LAMA2: variants seen among roughly 807,000 people sequenced by gnomAD.
LAMA2 encodes the protein laminin subunit alpha-2.
In LAMA2, 269 loss-of-function variants were observed where a neutral mutation model predicts 364.8. The observed-to-expected ratio is 0.74, with a 90% confidence interval of 0.67 to 0.82. LAMA2 has a LOEUF of 0.82. Among genes scored for constraint, LAMA2 ranks in the 40% least tolerant of loss-of-function variants. LAMA2 has a pLI of 0.00. For missense variants in LAMA2, 3,807 were observed against 3,873.2 expected, an observed-to-expected ratio of 0.98 and a Z score of 0.45; for synonymous variants, 1,379 against 1,370.6, an observed-to-expected ratio of 1.01 and a Z score of -0.14.
chr6:129,098,213 C>G lies in LAMA2; in HGVS notation c.437C>G (p.Ser146Cys), dbSNP rs143680577. 1.4e-4 allele frequency: 225 copies of G among 1,613,730 alleles called. No homozygotes were observed. The highest frequency in any genetic ancestry group is 8.2e-4 in the Middle Eastern group (5 of 6,062). ...TATGTGATTGTGAAGGCAGCTAACT[C>G]CCCCCGGCCTGGAAACTGGATTTTG... Reference protein sequence around the residue: ...IAYVIVKAANSPRPGNWILER... With the variant: ...IAYVIVKAANCPRPGNWILER... Residue 146 changes from serine to cysteine, a missense_variant, in exon 4 of 65, where the codon TCC becomes TGC. Physicochemically the swap from Ser to Cys is moderately radical, Grantham distance 112. Coordinates refer to ENST00000421865, the MANE Select transcript of LAMA2 (RefSeq NM_000426.4).
chr6:129,511,589 T>TAATA (rs1786579941), intron 62 of LAMA2, among the ~76,000 whole-genome samples: 1 of 152,168 alleles, frequency 6.6e-6, no homozygotes, highest in African/African-American at 2.4e-5. Flanking sequence ...ATTTCTTGCC[T>TAATA]AATAAATAGA....
chr6:129,162,678 C>CTA (rs1030592579), intron 8 of LAMA2, among the ~76,000 whole-genome samples: 132 of 151,436 alleles, frequency 8.7e-4, no homozygotes, highest in African/African-American at 2.7e-3. Context: ...TTTCTTTGTT[C>CTA]TATATATATA....
chr6:128,989,478 A>T (rs1421275909), intron 1 of LAMA2, among the ~76,000 whole-genome samples: 1 of 152,192 alleles, frequency 6.6e-6, no homozygotes, highest in Non-Finnish European at 1.5e-5. Flanking sequence ...TACATTTTCT[A>T]GCTGGGGGAC....
At chr6:129,257,993 T>C (rs1301455686) in intron 14 of LAMA2, among the ~76,000 whole-genome samples, 1 of 152,096 alleles carries the variant, frequency 6.6e-6, no homozygotes, top group African/African-American at 2.4e-5. Flanking sequence ...CAGTTACTTT[T>C]GTATACATTT....
chr6:129,129,919 G>A (rs1439449353), intron 4 of LAMA2, among the ~76,000 whole-genome samples: 4 of 111,308 alleles, frequency 3.6e-5, no homozygotes, highest in African/African-American at 7.9e-5. Flanking sequence ...GCGAGATTCC[G>A]TCTCAAAAAA....
rs528556005 is a variant in LAMA2 at position 129,296,135 on chromosome 6, GTCA to G, written c.2857-1545_2857-1543del. Among the ~76,000 whole-genome samples, 557 of 151,988 alleles carry G rather than the reference GTCA, an allele frequency of 3.7e-3. 5 individuals carry two copies. Among genetic ancestry groups the G allele is most frequent in the Non-Finnish European group, 5.5e-3 (372 of 67,848 alleles). ...TTGCATATTATTTCATAATGTGGAT[GTCA>G]TCATTTAATTTATTCAACAATTTTT... On this transcript the variant is annotated intron_variant, in intron 20 of 64. Coordinates refer to ENST00000421865, the MANE Select transcript of LAMA2 (RefSeq NM_000426.4).
At chr6:129,081,226 C>A (rs552303231) in intron 3 of LAMA2, among the ~76,000 whole-genome samples, 1 of 150,714 alleles carries the variant, frequency 6.6e-6, no homozygotes, top group East Asian at 2.0e-4. Context: ...GGTAACATCA[C>A]ACACCGGGGC....
intron 17 of LAMA2, among the ~76,000 whole-genome samples, chr6:129,276,875 G>A (rs962784522): frequency 6.6e-6 from 1 of 151,616 alleles, no homozygotes; most frequent in Non-Finnish European, 1.5e-5. Flanking sequence ...AAGGTTAATT[G>A]TTTCTCTATG....
chr6:128,954,001 A>G (rs948958278), intron 1 of LAMA2, among the ~76,000 whole-genome samples: 4 of 152,140 alleles, frequency 2.6e-5, no homozygotes, highest in East Asian at 3.8e-4. Context: ...GATTTTTGTT[A>G]TGCTAAATTT....
At chr6:129,037,021 A>T (rs1015805236) in intron 1 of LAMA2, among the ~76,000 whole-genome samples, 7 of 152,222 alleles carry the variant, frequency 4.6e-5, no homozygotes, top group Admixed American at 3.3e-4. Context: ...ATATGCTCTG[A>T]CACACCCACA....
chr6:129,477,218 TA>T (rs2114830964), intron 53 of LAMA2, among the ~76,000 whole-genome samples: 1 of 152,290 alleles, frequency 6.6e-6, no homozygotes, highest in South Asian at 2.1e-4. Flanking sequence ...TAAATAACAA[TA>T]AATATTCAGT....
At chr6:129,395,279 T>C (rs1779549209) in intron 37 of LAMA2, among the ~76,000 whole-genome samples, 1 of 152,232 alleles carries the variant, frequency 6.6e-6, no homozygotes, top group African/African-American at 2.4e-5. Context: ...GTGTCCACAA[T>C]GAAGGTAACA....
chr6:129,481,278 A>AGCTT lies in LAMA2; in HGVS notation c.7589_7592dup (p.Phe2531LeufsTer4). ...TTACTCACAGAATGTTTACACAGTTAGCTTTCCTAAGCCTGGTTTTGTGGA... is the reference window on the plus strand; with the variant it reads ...TTACTCACAGAATGTTTACACAGTTAGCTTGCTTTCCTAAGCCTGGTTTTGTGGA... On this transcript the variant is annotated frameshift_variant, in exon 55 of 65. Transcript: ENST00000421865. LOFTEE classifies it high-confidence loss of function. 6.2e-7 allele frequency: 1 copy of AGCTT among 1,613,694 alleles called. No individual in the cohort carries two copies. The highest frequency in any genetic ancestry group is 8.5e-7 in the Non-Finnish European group (1 of 1,179,692).
In LAMA2 at chr6:129,107,334, T is replaced by C. The variant is rs550686701; in HGVS notation, c.639+8919T>C. 3.3e-5 allele frequency among the ~76,000 whole-genome samples: 5 copies of C among 152,172 alleles called. No individual in the cohort carries two copies. In the South Asian group the frequency reaches 1.0e-3, roughly 32 times the overall value. ...ATTTCCAGCCTTTTTATTCTCAAGGTTCAGTAGCTAACATTGGCTTAAGCC... is the reference window on the plus strand; with the variant it reads ...ATTTCCAGCCTTTTTATTCTCAAGGCTCAGTAGCTAACATTGGCTTAAGCC... On this transcript the variant is annotated intron_variant, in intron 4 of 64. Transcript: ENST00000421865.
chr6:129,392,068 T>C (rs551308153), intron 36 of LAMA2, among the ~76,000 whole-genome samples: 8 of 152,334 alleles, frequency 5.3e-5, no homozygotes, highest in South Asian at 2.1e-4. Context: ...GACTTTACCA[T>C]TCATATATTG....
At chr6:129,087,676 A>AAT (rs1488613884) in intron 3 of LAMA2, among the ~76,000 whole-genome samples, 2 of 152,108 alleles carry the variant, frequency 1.3e-5, no homozygotes, top group East Asian at 3.9e-4. Flanking sequence ...AGAAAGACTG[A>AAT]ATTTTGCAAG....
At chr6:129,107,861 T>C (rs908895242) in intron 4 of LAMA2, among the ~76,000 whole-genome samples, 4 of 152,186 alleles carry the variant, frequency 2.6e-5, no homozygotes. Flanking sequence ...AAAAGTTTCC[T>C]TCTGTGTCTG....
chr6:128,891,402 G>C (rs1454889749), intron 1 of LAMA2, among the ~76,000 whole-genome samples: 1 of 151,966 alleles, frequency 6.6e-6, no homozygotes, highest in African/African-American at 2.4e-5. Flanking sequence ...TATTATAGTT[G>C]ACACAATTTC....
At chr6:129,088,946 G>T (rs1055397769) in intron 3 of LAMA2, among the ~76,000 whole-genome samples, 5 of 152,112 alleles carry the variant, frequency 3.3e-5, no homozygotes, top group African/African-American at 1.2e-4. Flanking sequence ...TCGGCACTTT[G>T]GGAGGCCAAG....
Sources: allele counts gnomAD v4.1 joint callset (sites outside exome capture counted in the v4.1 genomes callset), GRCh38; gene constraint gnomAD v4.1.1; transcripts MANE v1.5; gene names NCBI Gene and HGNC (gene_info 2026-07-23, HGNC 2026-07-21).